HSD3B1: variants seen among roughly 807,000 people sequenced by gnomAD.
HSD3B1 encodes the protein 3 beta-hydroxysteroid dehydrogenase/Delta 5-->4-isomerase type 1.
HSD3B1 carries 11 observed loss-of-function variants against 10.4 expected under a neutral mutation model. The ratio of observed to expected loss-of-function variants is 1.05; its 90% CI spans 0.66 to 1.75. HSD3B1 has a LOEUF of 1.75. Among genes scored for constraint, HSD3B1 ranks in the 40% most tolerant of loss-of-function variants. HSD3B1 has a pLI of 0.00. For synonymous variants in HSD3B1, 217 were observed against 185.4 expected, an observed-to-expected ratio of 1.17 and a Z score of -1.39; for missense variants, 490 against 454.5, an observed-to-expected ratio of 1.08 and a Z score of -0.71.
chr1:119,507,875 T>G, intron 2 of HSD3B1: 1 of 398,566 alleles, frequency 2.5e-6, no homozygotes, highest in Non-Finnish European at 4.6e-6. Flanking sequence ...CCTCCAGGCC[T>G]CTTTTCTTCT....
intron 3 of HSD3B1, 43 bp downstream of exon 3, chr1:119,511,710 A>C (rs1011391368): frequency 6.3e-7 from 1 of 1,585,688 alleles, no homozygotes; most frequent in African/African-American, 1.3e-5. Context: ...TGGGGAATTA[A>C]GGATCACAAA....
At chr1:119,508,204 G>A (rs943628572) in intron 2 of HSD3B1, among the ~76,000 whole-genome samples, 1 of 151,636 alleles carries the variant, frequency 6.6e-6, no homozygotes, top group African/African-American at 2.4e-5. Flanking sequence ...GACTCAGAGA[G>A]AGAGACAATG....
chr1:119,514,354 C>T lies in HSD3B1; in HGVS notation c.831C>T (p.Gly277=). Residue 277 remains glycine (G), a synonymous_variant, in exon 4 of 4, where the codon GGC becomes GGT. Coordinates refer to ENST00000369413, the MANE Select transcript of HSD3B1 (RefSeq NM_000862.3). The part of the protein sequence containing the change: ...NLNYTLSKEF[G]LRLDSRWSFP... Reference sequence around the variant, plus strand: ...ATTACACCCTGAGCAAAGAGTTCGGCCTCCGCCTTGATTCCAGATGGAGCT... The same window carrying T: ...ATTACACCCTGAGCAAAGAGTTCGGTCTCCGCCTTGATTCCAGATGGAGCT... The T allele has an allele frequency of 2.5e-6, 4 of 1,614,142 alleles. No individual in the cohort carries two copies. Among genetic ancestry groups the T allele is most frequent in the Non-Finnish European group, 3.4e-6 (4 of 1,180,028 alleles).
chr1:119,513,376 G>T (rs1391393851), intron 3 of HSD3B1, among the ~76,000 whole-genome samples: 1 of 152,152 alleles, frequency 6.6e-6, no homozygotes, highest in Non-Finnish European at 1.5e-5. Flanking sequence ...GTGTATGTGT[G>T]TGTGTGATGT....
intron 2 of HSD3B1, among the ~76,000 whole-genome samples, chr1:119,510,848 T>A (rs1653918174): frequency 6.8e-6 from 1 of 146,332 alleles, no homozygotes. Flanking sequence ...CCTCCATTTA[T>A]CCTCCCACCT....
In HSD3B1 at chr1:119,511,578, A is replaced by G; in HGVS notation, c.221A>G (p.Gln74Arg). 1.2e-6 allele frequency: 2 copies of G among 1,613,792 alleles called. No individual in the cohort carries two copies. Among genetic ancestry groups the G allele is most frequent in the South Asian group, 1.1e-5 (1 of 91,062 alleles). ...GAGCCATTCCTGAAGAGAGCCTGCC[A>G]GGACGTCTCGGTCATCATCCACACC... ...LDEPFLKRAC[Q>R]DVSVIIHTAC... Residue 74 changes from glutamine to arginine, a missense_variant, in exon 3 of 4, where the codon CAG (glutamine) becomes CGG (arginine). By Grantham distance (43) the Gln-to-Arg change is conservative. Coordinates refer to ENST00000369413, the MANE Select transcript of HSD3B1 (RefSeq NM_000862.3).
At chr1:119,511,129 T>C (rs1570879055) in intron 2 of HSD3B1, among the ~76,000 whole-genome samples, 1 of 152,282 alleles carries the variant, frequency 6.6e-6, no homozygotes, top group East Asian at 1.9e-4. Context: ...CTATACATGA[T>C]TTCTCATTAC....
rs1653938757 is a variant in HSD3B1, at chr1:119,511,572, C to T, written c.215C>T (p.Ala72Val). 3 of 1,613,580 alleles carry T rather than the reference C, an allele frequency of 1.9e-6. No homozygotes were observed. The highest frequency in any genetic ancestry group is 8.5e-7 in the Non-Finnish European group (1 of 1,179,722). The change falls in exon 3 of 4, where the codon GCC becomes GTC. Residue 72 changes from alanine (A) to valine (V), a missense_variant. Transcript: ENST00000369413. ...DILDEPFLKR[A>V]CQDVSVIIHT... The stretch of plus-strand genomic sequence containing the variant: ...CTGGATGAGCCATTCCTGAAGAGAG[C>T]CTGCCAGGACGTCTCGGTCATCATC...
chr1:119,507,818 G>T (rs1343106638), intron 2 of HSD3B1, 197 bp downstream of exon 2: 10 of 541,012 alleles, frequency 1.8e-5, no homozygotes, highest in Non-Finnish European at 3.2e-5. Context: ...GATTTCCAGA[G>T]ACTAGATTCT....
At position 119,513,948 on chromosome 1, in the gene HSD3B1, A is replaced by C; in HGVS notation, c.425A>C (p.His142Pro). 1 of 1,614,116 alleles carries C rather than the reference A, an allele frequency of 6.2e-7. No homozygotes were observed. ...TACAAGGAAATCATCCAGAATGGCC[A>C]TGAAGAAGAGCCTCTGGAAAACACA... ...NSYKEIIQNGHEEEPLENTWP... is the reference protein window; with the variant it reads ...NSYKEIIQNGPEEEPLENTWP... Residue 142 changes from histidine to proline, a missense_variant, in exon 4 of 4, where the codon CAT (histidine) becomes CCT (proline). His to Pro is a moderately conservative substitution (Grantham distance 77, BLOSUM62 -2). Transcript: ENST00000369413.
At position 119,514,983 on chromosome 1, in the gene HSD3B1, T is replaced by G. The variant is rs138915177; in HGVS notation, c.*338T>G. 5 of 284,526 alleles carry G rather than the reference T, an allele frequency of 1.8e-5. No individual in the cohort carries two copies. The highest frequency in any genetic ancestry group is 3.3e-5 in the Non-Finnish European group (5 of 152,386). The allele number at this position is 284,526 out of a possible 1,614,324, so 17.6% of individuals were successfully genotyped here. On this transcript the variant is annotated 3_prime_UTR_variant, in exon 4 of 4. Transcript: ENST00000369413. ...ATTTCTACTCTTAAATGAGAAAGGATTTCCTTTCTTTTTAATCTTCCATTC... is the reference window on the plus strand; with the variant it reads ...ATTTCTACTCTTAAATGAGAAAGGAGTTCCTTTCTTTTTAATCTTCCATTC...
chr1:119,510,712 GTTTTCTTTTTTTTTT>G lies in HSD3B1; in HGVS notation c.146-786_146-772del, dbSNP rs1410210489. On this transcript the variant is annotated intron_variant, in intron 2 of 3. Coordinates refer to ENST00000369413, the MANE Select transcript of HSD3B1 (RefSeq NM_000862.3). ...TCCTTTTTTTGTTGTTGCTTGTGTG[GTTTTCTTTTTTTTTT>G]TTTTTTTTTTTTTTTTTTTTTTTTT... is the stretch of plus-strand genomic sequence containing the variant. Among the ~76,000 whole-genome samples, 41 of 39,102 alleles carry G rather than the reference GTTTTCTTTTTTTTTT, an allele frequency of 1.0e-3. 2 individuals carry two copies. Among genetic ancestry groups the G allele is most frequent in the African/African-American group, 2.4e-3 (40 of 16,966 alleles). The allele number at this position is 39,102 out of a possible 152,430, so 25.7% of individuals were successfully genotyped here.
chr1:119,513,748 G>C (rs1167554697), intron 3 of HSD3B1, 86 bp from the exon 4 acceptor site: 12 of 1,243,296 alleles, frequency 9.7e-6, no homozygotes, highest in Non-Finnish European at 1.4e-5. Flanking sequence ...ATTTGGGAGT[G>C]GGGGGTGGGG....
At chr1:119,513,756 G>C in intron 3 of HSD3B1, 78 bp from the exon 4 acceptor site, 1 of 1,334,454 alleles carries the variant, frequency 7.5e-7, no homozygotes, top group Non-Finnish European at 1.1e-6. Flanking sequence ...GTGGGGGGTG[G>C]GGCACATAGA....
rs1298756494 is a variant in HSD3B1, at chr1:119,507,372, C to A, written c.-85-20C>A. On this transcript the variant is annotated intron_variant, in intron 1 of 3. Coordinates refer to ENST00000369413, the MANE Select transcript of HSD3B1 (RefSeq NM_000862.3). ...TGAGGCATCTGTGTGAGTATATAACCATTTGACATCTCTTTTTAGCCCTCT... is the reference window on the plus strand; with the variant it reads ...TGAGGCATCTGTGTGAGTATATAACAATTTGACATCTCTTTTTAGCCCTCT... 6 of 1,181,154 alleles carry A rather than the reference C, an allele frequency of 5.1e-6. No individual in the cohort carries two copies. Among genetic ancestry groups the A allele is most frequent in the South Asian group, 1.3e-5 (1 of 77,850 alleles). 73.2% of individuals were successfully genotyped at this position (1,181,154 alleles called of 1,614,324 possible).
chr1:119,507,731 C>A, intron 2 of HSD3B1, 110 bp downstream of exon 2: 1 of 1,076,258 alleles, frequency 9.3e-7, no homozygotes, highest in Non-Finnish European at 1.4e-6. Context: ...CAAATCTAAG[C>A]CAATCTCACA....
chr1:119,514,888 T>C lies in HSD3B1; in HGVS notation c.*243T>C, dbSNP rs1654065109. On this transcript the variant is annotated 3_prime_UTR_variant, in exon 4 of 4. Transcript: ENST00000369413. ...GACCATGTGGTTTGCTGTTACCAAA[T>C]CTCAGTAGCTGATTCTGAACAATTT... The C allele has an allele frequency of 3.7e-6, 2 of 547,530 alleles. No homozygotes were observed. Among genetic ancestry groups the C allele is most frequent in the Non-Finnish European group, 6.5e-6 (2 of 308,980 alleles). The allele number at this position is 547,530 out of a possible 1,614,324, so 33.9% of individuals were successfully genotyped here.
chr1:119,513,809 G>C lies in HSD3B1; in HGVS notation c.311-25G>C, dbSNP rs1016839898. 4 of 1,610,122 alleles carry C rather than the reference G, an allele frequency of 2.5e-6. No homozygotes were observed. The South Asian group carries it at 3.3e-5, about 13-fold the overall frequency. The stretch of plus-strand genomic sequence containing the variant: ...CACCTCTTAGGGATATATCCTGACA[G>C]TGACAATATGCTCTTCATGGACAGG... On this transcript the variant is annotated intron_variant, in intron 3 of 3. Transcript: ENST00000369413.
rs923097345 is a variant in HSD3B1 at position 119,514,743 on chromosome 1, C to A, written c.*98C>A. ...ACAGAAAGTGACAAGGGCACAAGCT[C>A]AGGTCCTGCTGCCTCCCTTTCATAC... On this transcript the variant is annotated 3_prime_UTR_variant, in exon 4 of 4. Transcript: ENST00000369413. 2.2e-6 allele frequency: 3 copies of A among 1,352,410 alleles called. No homozygotes were observed. Among genetic ancestry groups the A allele is most frequent in the Admixed American group, 3.9e-5 (2 of 51,290 alleles). The allele number at this position is 1,352,410 out of a possible 1,614,324, so 83.8% of individuals were successfully genotyped here.
Sources: allele counts gnomAD v4.1 joint callset (sites outside exome capture counted in the v4.1 genomes callset), GRCh38; gene constraint gnomAD v4.1.1; transcripts MANE v1.5; gene names NCBI Gene and HGNC (gene_info 2026-07-23, HGNC 2026-07-21).